PTP4A3: variants seen among roughly 807,000 people sequenced by gnomAD.
PTP4A3 encodes the protein protein tyrosine phosphatase type IVA 3.
Under a neutral mutation model 15.2 loss-of-function variants are expected in PTP4A3, and 9 were observed. The observed-to-expected ratio is 0.59, with a 90% CI of 0.36 to 1.03. The LOEUF (loss-of-function observed/expected upper bound fraction) is 1.03. Ranked by LOEUF, PTP4A3 falls within the 50% of genes least tolerant of loss-of-function variation. The probability of loss-of-function intolerance (pLI) is 0.02; values close to 1 mark genes in which losing one functional copy is unlikely to be tolerated. For synonymous variants in PTP4A3, 95 were observed against 102.0 expected (o/e 0.93, Z 0.41); for missense variants, 234 against 252.1 (o/e 0.93, Z 0.49).
In PTP4A3 at chr8:141,406,646, T is replaced by C. The variant is rs749364161; in HGVS notation, c.-854+14562T>C. On this transcript the variant is annotated intron_variant, in intron 1 of 5. Coordinates refer to ENST00000521578, the MANE Select transcript of PTP4A3 (RefSeq NM_032611.3). The surrounding 1 kb of genome is among the most constrained non-coding windows in gnomAD (Gnocchi z 4.5). ...AGACTCATTGACATCCTGCGTGAAC[T>C]ACAGTTTTGGTAGAGGTGCAAGTGG... is the stretch of plus-strand genomic sequence containing the variant. 6.6e-6 allele frequency among the ~76,000 whole-genome samples: 1 copy of C among 152,176 alleles called. No homozygotes were observed. The highest frequency in any genetic ancestry group is 6.5e-5 in the Admixed American group (1 of 15,280).
chr8:141,429,177 C>G (rs1203430023), intron 5 of PTP4A3, among the ~76,000 whole-genome samples: 3 of 152,270 alleles, frequency 2.0e-5, no homozygotes, highest in Non-Finnish European at 4.4e-5. Context: ...TGGCTGAGGG[C>G]TGCGCCTTCC....
At chr8:141,415,271 G>A in intron 1 of PTP4A3, among the ~76,000 whole-genome samples, 1 of 152,108 alleles carries the variant, frequency 6.6e-6, no homozygotes. Flanking sequence ...GCAGCAGGCA[G>A]TGGGGAGACA....
chr8:141,392,641 C>G (rs1563720094), intron 1 of PTP4A3: 1 of 152,290 alleles, frequency 6.6e-6, no homozygotes, highest in Non-Finnish European at 1.5e-5. Context: ...CTCAGCCCTC[C>G]AAGCACACCC....
At position 141,430,102 on chromosome 8, in the gene PTP4A3, G is replaced by A. The variant is rs534054372; in HGVS notation, c.405-825G>A. Among the ~76,000 whole-genome samples the A allele has an allele frequency of 8.7e-4, 127 of 146,244 alleles. 4 individuals carry two copies. The highest frequency in any genetic ancestry group is 3.2e-3 in the African/African-American group (119 of 37,610). On this transcript the variant is annotated intron_variant, in intron 5 of 5. Coordinates refer to ENST00000521578, the MANE Select transcript of PTP4A3 (RefSeq NM_032611.3). ...CCCCGCTGTAAGGACCAGGTGGCGG[G>A]GACAGGGTGAGCGTACAGCCCAGGT...
In PTP4A3 at chr8:141,406,059, A is replaced by G. The variant is rs1200514941; in HGVS notation, c.-854+13975A>G. Among the ~76,000 whole-genome samples the G allele has an allele frequency of 6.6e-6, 1 of 152,050 alleles. No homozygotes were observed. The highest frequency in any genetic ancestry group is 1.9e-4 in the East Asian group (1 of 5,172). ...GGCTTTCCTGAGTGACGCGGGCACC[A>G]CTGGAGGCTTTGAGCGGAGGGGGCT... On this transcript the variant is annotated intron_variant, in intron 1 of 5. Coordinates refer to ENST00000521578, the MANE Select transcript of PTP4A3 (RefSeq NM_032611.3). This position sits in a 1 kb window ranked among gnomAD's most constrained non-coding sequence, Gnocchi z 4.5.
At chr8:141,430,181 C>T (rs1586574180) in intron 5 of PTP4A3, among the ~76,000 whole-genome samples, 1 of 149,350 alleles carries the variant, frequency 6.7e-6, no homozygotes, top group Non-Finnish European at 1.5e-5. Flanking sequence ...GTCCGGGTCC[C>T]CGCTGTAAGG....
chr8:141,431,388 A>G lies in PTP4A3; in HGVS notation c.*344A>G. On this transcript the variant is annotated 3_prime_UTR_variant, in exon 6 of 6. Transcript: ENST00000521578. ...CCTGTTTGTTGTGGGGTGGGGGTATATTTTGTAACCACTGGGCCCCCAGCC... is the reference window on the plus strand; with the variant it reads ...CCTGTTTGTTGTGGGGTGGGGGTATGTTTTGTAACCACTGGGCCCCCAGCC... 3.1e-6 allele frequency: 1 copy of G among 322,912 alleles called. No individual in the cohort carries two copies. Among genetic ancestry groups the G allele is most frequent in the East Asian group, 6.7e-5 (1 of 14,864 alleles). The allele number at this position is 322,912 out of a possible 1,614,324, so 20.0% of individuals were successfully genotyped here. A position where few individuals can be genotyped will look rare whatever the true frequency, so the allele number is the denominator to read the frequency against.
chr8:141,409,107 G>A (rs953976035), intron 1 of PTP4A3, among the ~76,000 whole-genome samples: 26 of 152,210 alleles, frequency 1.7e-4, no homozygotes, highest in African/African-American at 5.8e-4. Context: ...CCAACATGAA[G>A]GCAGTGTGGC....
At chr8:141,418,005 C>G (rs1184493537) in intron 1 of PTP4A3, among the ~76,000 whole-genome samples, 1 of 151,982 alleles carries the variant, frequency 6.6e-6, no homozygotes, top group Non-Finnish European at 1.5e-5. Flanking sequence ...GGCGGTGGGA[C>G]GCCTGCGGCG....
intron 1 of PTP4A3, among the ~76,000 whole-genome samples, chr8:141,400,459 A>G (rs1254494889): frequency 2.6e-5 from 4 of 152,170 alleles, no homozygotes; most frequent in Non-Finnish European, 5.9e-5. Flanking sequence ...TTACAGTGTC[A>G]CTTGAAATTT....
At chr8:141,428,086 A>G (rs918400864) in intron 5 of PTP4A3, among the ~76,000 whole-genome samples, 4 of 151,762 alleles carry the variant, frequency 2.6e-5, no homozygotes, top group African/African-American at 9.7e-5. Context: ...CCACAGACAG[A>G]GCTCCTTCTG....
At chr8:141,397,630 G>T (rs2129796257) in intron 1 of PTP4A3, among the ~76,000 whole-genome samples, 1 of 152,330 alleles carries the variant, frequency 6.6e-6, no homozygotes, top group African/African-American at 2.4e-5. Context: ...GGCGGGTATT[G>T]GTCATGAGAA....
At chr8:141,430,836 C>T (rs1009357368) in intron 5 of PTP4A3, 91 bp from the exon 6 acceptor site, 3 of 1,258,460 alleles carry the variant, frequency 2.4e-6, no homozygotes, top group Admixed American at 1.8e-5. Context: ...TACTCCAGCC[C>T]ACTGCACTCT....
chr8:141,427,558 C>T (rs1363136602), intron 4 of PTP4A3, among the ~76,000 whole-genome samples, 192 bp from the exon 5 acceptor site: 1 of 152,192 alleles, frequency 6.6e-6, no homozygotes, highest in Non-Finnish European at 1.5e-5. Flanking sequence ...AGAGAGGTTG[C>T]CTAGGAGGGA....
intron 1 of PTP4A3, among the ~76,000 whole-genome samples, chr8:141,410,611 A>G (rs1306792239): frequency 6.6e-6 from 1 of 152,188 alleles, no homozygotes; most frequent in Non-Finnish European, 1.5e-5. Context: ...GGAGAAAACC[A>G]AGGGCAGGTC....
In PTP4A3 at chr8:141,427,064, G is replaced by C. The variant is rs1833609152; in HGVS notation, c.324G>C (p.Leu108=). Residue 108 remains leucine (L), a synonymous_variant, in exon 4 of 6, where the codon CTG becomes CTC. Coordinates refer to ENST00000521578, the MANE Select transcript of PTP4A3 (RefSeq NM_032611.3). ...TGGCTGTGCACTGCGTGGCGGGCCTGGGCCGGTGAGTGTCGGGGCGGGGTA... is the reference window on the plus strand; with the variant it reads ...TGGCTGTGCACTGCGTGGCGGGCCTCGGCCGGTGAGTGTCGGGGCGGGGTA... ...SCVAVHCVAG[L]GRAPVLVALA... The C allele has an allele frequency of 1.3e-6, 2 of 1,598,488 alleles. No individual in the cohort carries two copies. Among genetic ancestry groups the C allele is most frequent in the Non-Finnish European group, 1.7e-6 (2 of 1,179,432 alleles).
rs980971129 is a variant in PTP4A3, at chr8:141,425,694, G to A, written c.198+554G>A. 2.0e-5 allele frequency among the ~76,000 whole-genome samples: 3 copies of A among 152,116 alleles called. No individual in the cohort carries two copies. In the East Asian group the frequency reaches 5.8e-4, roughly 29 times the overall value. On this transcript the variant is annotated intron_variant, in intron 3 of 5. Coordinates refer to ENST00000521578, the MANE Select transcript of PTP4A3 (RefSeq NM_032611.3). This position sits in a 1 kb window ranked among gnomAD's most constrained non-coding sequence, Gnocchi z 4.2. Reference sequence around the variant, plus strand: ...GGGGTCCACCCCCGGCCCGGTGGACGACTGCCCCCCTGGTGCAGGCCTGCC... The same window carrying A: ...GGGGTCCACCCCCGGCCCGGTGGACAACTGCCCCCCTGGTGCAGGCCTGCC...
rs114873911 is a variant in PTP4A3, at chr8:141,409,762, G to A, written c.-853-11626G>A. On this transcript the variant is annotated intron_variant, in intron 1 of 5. Transcript: ENST00000521578. ...TGGGCAGGTGCTCAAAGCGGGCAGT[G>A]CAGGCTGCCCAGCGTGCCCAGCTCC... 9.7e-3 allele frequency among the ~76,000 whole-genome samples: 1,481 copies of A among 152,344 alleles called. 6 individuals are homozygous for A. The highest frequency in any genetic ancestry group is 0.044 in the South Asian group (212 of 4,830).
chr8:141,401,930 C>T (rs4073027), intron 1 of PTP4A3, among the ~76,000 whole-genome samples: 60,236 of 152,054 alleles, frequency 0.4, 13,572 homozygotes, highest in African/African-American at 0.61. Flanking sequence ...AGTCTCAAGG[C>T]ATGGACGAGG....
Sources: allele counts gnomAD v4.1 joint callset (sites outside exome capture counted in the v4.1 genomes callset), GRCh38; gene constraint gnomAD v4.1.1; non-coding constraint Gnocchi (gnomAD v3.1); transcripts MANE v1.5; gene names NCBI Gene and HGNC (gene_info 2026-07-23, HGNC 2026-07-21).